The following CLEC16A variants were observed in gnomAD, a reference collection of about 807,000 sequenced individuals.
CLEC16A encodes the protein protein CLEC16A.
A neutral mutation model predicts 109.5 loss-of-function variants in CLEC16A; 51 were observed. The ratio of observed to expected loss-of-function variants is 0.47; its 90% CI spans 0.37 to 0.59. The LOEUF (loss-of-function observed/expected upper bound fraction) is 0.59. Among genes scored for constraint, CLEC16A ranks in the 20% least tolerant of loss-of-function variants. The pLI is 0.00. For synonymous variants in CLEC16A, 673 were observed against 564.2 expected (o/e 1.19, Z -2.73); for missense variants, 1,339 against 1,394.0 (o/e 0.96, Z 0.63).
intron 22 of CLEC16A, among the ~76,000 whole-genome samples, chr16:11,131,540 G>T (rs913168821): frequency 6.6e-6 from 1 of 152,224 alleles, no homozygotes; most frequent in African/African-American, 2.4e-5. Flanking sequence ...TGTGGGAAGG[G>T]CTGGCAGAGC....
chr16:10,952,348 G>A (rs1265780507), intron 1 of CLEC16A, among the ~76,000 whole-genome samples: 2 of 152,180 alleles, frequency 1.3e-5, no homozygotes, highest in African/African-American at 2.4e-5. Flanking sequence ...ACAAAAATTA[G>A]CTGGGCATGG....
intron 7 of CLEC16A, among the ~76,000 whole-genome samples, chr16:10,973,858 A>G: frequency 7.2e-6 from 1 of 139,810 alleles, no homozygotes; most frequent in Non-Finnish European, 1.5e-5. Flanking sequence ...GGTATGAGCC[A>G]TACATCCGGC....
At chr16:11,122,571 T>A (rs1450716269) in intron 20 of CLEC16A, among the ~76,000 whole-genome samples, 4 of 152,208 alleles carry the variant, frequency 2.6e-5, no homozygotes, top group Non-Finnish European at 5.9e-5. Context: ...TCATCTGATC[T>A]TACTGCCGCG....
intron 10 of CLEC16A, among the ~76,000 whole-genome samples, chr16:10,987,126 G>A (rs1311147950): frequency 2.0e-5 from 3 of 151,962 alleles, no homozygotes; most frequent in African/African-American, 7.3e-5. Context: ...AATGTGCTGG[G>A]ATTACAGGTG....
chr16:11,002,044 A>T lies in CLEC16A; in HGVS notation c.1072-1030A>T, dbSNP rs2044698612. ...CTTATTTGGGTTAAAATTAATAATAATATCAGTGGGCTGTAGCTAAGACAC... is the reference window on the plus strand; with the variant it reads ...CTTATTTGGGTTAAAATTAATAATATTATCAGTGGGCTGTAGCTAAGACAC... On this transcript the variant is annotated intron_variant, in intron 10 of 23. Transcript: ENST00000409790. 2.6e-5 allele frequency among the ~76,000 whole-genome samples: 4 copies of T among 152,182 alleles called. No individual in the cohort carries two copies. In the South Asian group the frequency reaches 8.3e-4, roughly 32 times the overall value.
At chr16:11,169,798 C>T (rs1022294179) in intron 23 of CLEC16A, among the ~76,000 whole-genome samples, 9 of 152,230 alleles carry the variant, frequency 5.9e-5, no homozygotes, top group Admixed American at 3.3e-4. Flanking sequence ...TCAGCCTAGG[C>T]TCCTGCTGTA....
intron 22 of CLEC16A, among the ~76,000 whole-genome samples, chr16:11,134,083 G>C (rs1301068609): frequency 6.6e-6 from 1 of 151,888 alleles, no homozygotes; most frequent in African/African-American, 2.4e-5. Flanking sequence ...GCCTACCCAA[G>C]GTCACACCAG....
At chr16:10,947,070 A>G (rs1397160376) in intron 1 of CLEC16A, among the ~76,000 whole-genome samples, 2 of 152,214 alleles carry the variant, frequency 1.3e-5, no homozygotes, top group African/African-American at 4.8e-5. Context: ...TATCCTGGGA[A>G]CTGCCTGGGT....
At chr16:11,021,868 A>T (rs1435204490) in intron 12 of CLEC16A, among the ~76,000 whole-genome samples, 1 of 152,176 alleles carries the variant, frequency 6.6e-6, no homozygotes, top group African/African-American at 2.4e-5. Context: ...GATAAATGGA[A>T]ACAGAGAACA....
At chr16:11,063,955 G>A (rs910349250) in intron 19 of CLEC16A, among the ~76,000 whole-genome samples, 1 of 151,464 alleles carries the variant, frequency 6.6e-6, no homozygotes, top group Non-Finnish European at 1.5e-5. Flanking sequence ...GTGGAAGGAA[G>A]TTGAAGGGAA....
chr16:10,986,053 C>T (rs2043633279), intron 10 of CLEC16A, among the ~76,000 whole-genome samples: 1 of 53,486 alleles, frequency 1.9e-5, no homozygotes, highest in Non-Finnish European at 3.2e-5. Flanking sequence ...TTTTTTGAGA[C>T]TGAGTCTCGC....
At chr16:11,065,223 T>C (rs2048697241) in intron 19 of CLEC16A, among the ~76,000 whole-genome samples, 1 of 152,190 alleles carries the variant, frequency 6.6e-6, no homozygotes, top group Non-Finnish European at 1.5e-5. Context: ...GATTCTTGCC[T>C]GTTTCCAAAT....
At chr16:10,977,642 T>G (rs1259162346) in intron 8 of CLEC16A, among the ~76,000 whole-genome samples, 1 of 152,092 alleles carries the variant, frequency 6.6e-6, no homozygotes, top group Non-Finnish European at 1.5e-5. Flanking sequence ...GCCTCCCGAG[T>G]AGCTGGGATT....
chr16:11,138,788 G>T (rs955472038), intron 22 of CLEC16A, among the ~76,000 whole-genome samples: 2 of 152,190 alleles, frequency 1.3e-5, no homozygotes, highest in African/African-American at 4.8e-5. Context: ...GATTTTGACT[G>T]CTGCGATCAT....
intron 21 of CLEC16A, among the ~76,000 whole-genome samples, chr16:11,125,127 G>T (rs1045905212): frequency 2.0e-5 from 3 of 152,142 alleles, no homozygotes; most frequent in Non-Finnish European, 4.4e-5. Flanking sequence ...GGGCGTTACC[G>T]ATGCGATGAT....
intron 9 of CLEC16A, among the ~76,000 whole-genome samples, chr16:10,981,402 A>T (rs957580629): frequency 4.6e-5 from 7 of 152,192 alleles, no homozygotes; most frequent in Admixed American, 2.0e-4. Flanking sequence ...GAATCATACT[A>T]TGTGGTCTCT....
At chr16:11,158,204 G>A (rs1025180416) in intron 22 of CLEC16A, among the ~76,000 whole-genome samples, 3 of 152,124 alleles carry the variant, frequency 2.0e-5, no homozygotes, top group East Asian at 1.9e-4. Context: ...CTGTTTCCCA[G>A]CATCGTGATG....
At chr16:11,020,363 G>A in intron 12 of CLEC16A, 38 bp downstream of exon 12, 2 of 1,567,360 alleles carry the variant, frequency 1.3e-6, no homozygotes, top group Non-Finnish European at 1.7e-6. Context: ...TGCTCTCTCA[G>A]GGAAGAGGAG....
chr16:11,019,259 C>G (rs1260200779), intron 11 of CLEC16A, among the ~76,000 whole-genome samples: 1 of 152,200 alleles, frequency 6.6e-6, no homozygotes, highest in Admixed American at 6.5e-5. Context: ...AAAGCCCAAC[C>G]CTCATCCATC....
Sources: gnomAD v4.1 joint callset for allele counts (sites outside exome capture counted in the v4.1 genomes callset) on GRCh38, gnomAD v4.1.1 for gene constraint, MANE v1.5 for transcripts, NCBI Gene and HGNC (gene_info 2026-07-23, HGNC 2026-07-21) for gene names.